Variants in PAPSS2 observed in about 807,000 individuals in gnomAD.
PAPSS2 encodes the protein bifunctional 3'-phosphoadenosine 5'-phosphosulfate synthase 2.
A neutral mutation model predicts 66.5 loss-of-function variants in PAPSS2; 61 were observed. That is an observed-to-expected ratio of 0.92 (90% CI 0.75 to 1.14). The LOEUF is 1.14. Among genes scored for constraint, PAPSS2 ranks in the 50% most tolerant of loss-of-function variants. The pLI, the probability that PAPSS2 is intolerant of heterozygous loss-of-function variation, is 0.00. For synonymous variants in PAPSS2, 289 were observed against 287.5 expected (o/e 1.01, Z -0.05); for missense variants, 708 against 789.6 (o/e 0.90, Z 1.24).
Position 87,710,235 on chromosome 10 carries a change from C to A in PAPSS2, c.145+922C>A, listed in dbSNP as rs562454280. Among the ~76,000 whole-genome samples the A allele has an allele frequency of 4.1e-4, 63 of 152,316 alleles. No individual in the cohort carries two copies. In the East Asian group the frequency reaches 9.6e-3, roughly 23 times the overall value. The stretch of plus-strand genomic sequence containing the variant: ...TGCTGTCCTAAATCTTTGCCCTTTT[C>A]TGTCCCAACTGGCCTCATTCTTGTA... On this transcript the variant is annotated intron_variant, in intron 2 of 12. Transcript: ENST00000456849.
chr10:87,677,057 G>A (rs780201870), intron 1 of PAPSS2, among the ~76,000 whole-genome samples: 22 of 151,976 alleles, frequency 1.4e-4, no homozygotes, highest in Non-Finnish European at 2.8e-4. Context: ...AGCCGGGCAT[G>A]GCAGCACACT....
intron 7 of PAPSS2, among the ~76,000 whole-genome samples, chr10:87,718,821 A>T (rs1853563121): frequency 6.6e-6 from 1 of 152,214 alleles, no homozygotes; most frequent in Admixed American, 6.5e-5. Context: ...GTGTTAGAGA[A>T]TTGAGTGAGG....
intron 1 of PAPSS2, chr10:87,660,934 T>C (rs987729960): frequency 2.2e-6 from 1 of 453,848 alleles, no homozygotes; most frequent in Admixed American, 2.4e-5. Context: ...AAAATCCTAC[T>C]CAGCAGTTTG....
At chr10:87,732,008 A>G (rs1029391741) in intron 9 of PAPSS2, among the ~76,000 whole-genome samples, 5 of 152,324 alleles carry the variant, frequency 3.3e-5, no homozygotes, top group Non-Finnish European at 5.9e-5. Flanking sequence ...GTAAAATGCT[A>G]TCAAACAGCA....
chr10:87,720,707 A>C (rs1312885511), intron 7 of PAPSS2, among the ~76,000 whole-genome samples: 1 of 151,360 alleles, frequency 6.6e-6, no homozygotes, highest in Non-Finnish European at 1.5e-5. Flanking sequence ...CCCTAAATTT[A>C]AAAATAAAAT....
At chr10:87,691,473 A>C (rs1222980526) in intron 1 of PAPSS2, among the ~76,000 whole-genome samples, 3 of 151,386 alleles carry the variant, frequency 2.0e-5, no homozygotes, top group African/African-American at 4.9e-5. Flanking sequence ...AAGCATTAAA[A>C]TCACTTGAGA....
Position 87,745,078 on chromosome 10 carries a change from C to T in PAPSS2, c.1568C>T (p.Pro523Leu), listed in dbSNP as rs368088157. 1.7e-4 allele frequency: 278 copies of T among 1,613,970 alleles called. No individual in the cohort carries two copies. The highest frequency in any genetic ancestry group is 2.3e-4 in the Non-Finnish European group (271 of 1,179,986). ...GTGGGGAGGGACCCTGCAGGAATGCCCCATCCTGAAACCAAGAAGGATCTG... is the reference window on the plus strand; with the variant it reads ...GTGGGGAGGGACCCTGCAGGAATGCTCCATCCTGAAACCAAGAAGGATCTG... ...YIVGRDPAGM[P>L]HPETKKDLYE... is the part of the protein sequence containing the mutation. Residue 523 changes from proline to leucine, a missense_variant, in exon 12 of 13, where the codon CCC (proline) becomes CTC (leucine). By Grantham distance (98) the Pro-to-Leu change is moderately conservative (BLOSUM62 -3). Transcript: ENST00000456849.
At position 87,714,082 on chromosome 10, in the gene PAPSS2, GCTGCCA is replaced by G; in HGVS notation, c.421_426del (p.Leu141_Pro142del). The G allele has an allele frequency of 6.2e-7, 1 of 1,613,920 alleles. No individual in the cohort carries two copies. Among genetic ancestry groups the G allele is most frequent in the East Asian group, 2.2e-5 (1 of 44,872 alleles). ...CCCGCAAAATACATGAATCAGCAGG[GCTGCCA>G]TTCTTTGAAATATTTGTAGATGCAC... On this transcript the variant is annotated inframe_deletion, in exon 4 of 13. Coordinates refer to ENST00000456849, the MANE Select transcript of PAPSS2 (RefSeq NM_001015880.2).
intron 8 of PAPSS2, among the ~76,000 whole-genome samples, chr10:87,723,843 A>G (rs575201827): frequency 6.6e-6 from 1 of 152,174 alleles, no homozygotes; most frequent in Admixed American, 6.5e-5. Flanking sequence ...GGCCTTCTAA[A>G]TGTTGCATTG....
At chr10:87,722,231 A>G (rs981643799) in intron 8 of PAPSS2, among the ~76,000 whole-genome samples, 4 of 152,312 alleles carry the variant, frequency 2.6e-5, no homozygotes, top group Middle Eastern at 3.4e-3. Context: ...TTTGTTTGCA[A>G]TGTATGATTA....
At chr10:87,660,495 A>G in intron 1 of PAPSS2, 1 of 191,192 alleles carries the variant, frequency 5.2e-6, no homozygotes. Context: ...TTATCAAAGC[A>G]AACTGGAGGA....
intron 1 of PAPSS2, among the ~76,000 whole-genome samples, chr10:87,686,517 T>G (rs1853091288): frequency 6.6e-6 from 1 of 152,156 alleles, no homozygotes; most frequent in African/African-American, 2.4e-5. Context: ...GCTCCTGGGA[T>G]ACTGTATCCT....
chr10:87,721,010 T>C (rs886317574), intron 7 of PAPSS2, among the ~76,000 whole-genome samples: 2 of 152,176 alleles, frequency 1.3e-5, no homozygotes, highest in Non-Finnish European at 2.9e-5. Flanking sequence ...TGAGACTCCA[T>C]CATTTAATGG....
In PAPSS2 at chr10:87,715,860, G is replaced by A. The variant is rs2302405; in HGVS notation, c.865+17G>A. ...TGCTAGATGGTATGTTTTTGTTGTT[G>A]TTTCTTACTCTTTGTTGTTAAGGAA... On this transcript the variant is annotated intron_variant, in intron 7 of 12. Transcript: ENST00000456849. The A allele has an allele frequency of 0.13, 189,020 of 1,430,480 alleles. 13,254 individuals carry two copies. Among genetic ancestry groups the A allele is most frequent in the Non-Finnish European group, 0.15 (149,251 of 1,015,324 alleles). The allele number at this position is 1,430,480 out of a possible 1,614,324, so 88.6% of individuals were successfully genotyped here.
At chr10:87,703,578 T>A (rs7909065) in intron 1 of PAPSS2, among the ~76,000 whole-genome samples, 4,201 of 152,190 alleles carry the variant, frequency 0.028, 73 homozygotes, top group African/African-American at 0.044. Context: ...AGGAAAAAAA[T>A]ATTCTTATCC....
chr10:87,734,709 A>T (rs1853776173), intron 9 of PAPSS2, among the ~76,000 whole-genome samples: 1 of 121,626 alleles, frequency 8.2e-6, no homozygotes, highest in Admixed American at 8.4e-5. Flanking sequence ...ATATATATGT[A>T]TGTATTCTCC....
rs185555752 is a variant in PAPSS2, at chr10:87,721,706, G to A, written c.866-50G>A. On this transcript the variant is annotated intron_variant, in intron 7 of 12. Transcript: ENST00000456849. ...CTTTGACATTGTTGCTGTAAGATTCGTTTGGTGGAGAGCTGAAAATGTTTC... is the reference window on the plus strand; with the variant it reads ...CTTTGACATTGTTGCTGTAAGATTCATTTGGTGGAGAGCTGAAAATGTTTC... 58 of 1,402,216 alleles carry A rather than the reference G, an allele frequency of 4.1e-5. No individual in the cohort carries two copies. In the East Asian group the frequency reaches 1.3e-3, roughly 31 times the overall value. 86.9% of individuals were successfully genotyped at this position (1,402,216 alleles called of 1,614,324 possible). A position where few individuals can be genotyped will look rare whatever the true frequency, so the allele number is the denominator to read the frequency against.
intron 9 of PAPSS2, among the ~76,000 whole-genome samples, chr10:87,729,994 CA>C (rs965389033): frequency 2.0e-5 from 3 of 151,640 alleles, no homozygotes; most frequent in African/African-American, 4.8e-5. Flanking sequence ...TACTCCGTCT[CA>C]AAAAAAATAA....
chr10:87,691,605 A>G (rs951075702), intron 1 of PAPSS2, among the ~76,000 whole-genome samples: 2 of 152,180 alleles, frequency 1.3e-5, no homozygotes, highest in Admixed American at 6.5e-5. Flanking sequence ...ACAAGTGCCC[A>G]TGAGAGTCTT....
Sources: gnomAD v4.1 joint callset for allele counts (sites outside exome capture counted in the v4.1 genomes callset) on GRCh38, gnomAD v4.1.1 for gene constraint, MANE v1.5 for transcripts, NCBI Gene and HGNC (gene_info 2026-07-23, HGNC 2026-07-21) for gene names.